ISM1: variants seen among roughly 807,000 people sequenced by gnomAD.
ISM1 encodes isthmin-1.
A neutral mutation model predicts 46.3 loss-of-function variants in ISM1; 25 were observed. That is an observed-to-expected ratio of 0.54 (90% CI 0.39 to 0.75). ISM1 has a LOEUF of 0.75. ISM1 is among the 30% of genes least tolerant of loss of function. The probability of loss-of-function intolerance (pLI) is 0.00; values close to 1 mark genes in which losing one functional copy is unlikely to be tolerated. For missense variants in ISM1, 536 were observed against 625.4 expected (o/e 0.86, Z 1.52); for synonymous variants, 255 against 256.7 (o/e 0.99, Z 0.06).
intron 2 of ISM1, among the ~76,000 whole-genome samples, chr20:13,274,473 C>A (rs1451463225): frequency 6.6e-6 from 1 of 152,154 alleles, no homozygotes; most frequent in Non-Finnish European, 1.5e-5. Context: ...TGCCTTTGCC[C>A]CCATCTGGTT....
chr20:13,227,330 A>G (rs1411821310), intron 1 of ISM1, among the ~76,000 whole-genome samples: 15 of 145,110 alleles, frequency 1.0e-4, no homozygotes, highest in Admixed American at 3.4e-4. Context: ...CAGCCTCCCG[A>G]GTAGCTGGGA....
At chr20:13,292,874 A>C (rs1399515956) in intron 5 of ISM1, among the ~76,000 whole-genome samples, 1 of 151,754 alleles carries the variant, frequency 6.6e-6, no homozygotes, top group Non-Finnish European at 1.5e-5. Flanking sequence ...TTTTCTCAAA[A>C]TATTGCACCT....
chr20:13,266,973 G>T (rs1223608821), intron 1 of ISM1, among the ~76,000 whole-genome samples: 1 of 152,142 alleles, frequency 6.6e-6, no homozygotes, highest in Non-Finnish European at 1.5e-5. Context: ...ATAAAGAAAG[G>T]TTTTCTTCTG....
intron 3 of ISM1, among the ~76,000 whole-genome samples, chr20:13,286,639 C>T (rs576886121): frequency 2.0e-5 from 3 of 152,174 alleles, no homozygotes; most frequent in Non-Finnish European, 2.9e-5. Context: ...GAGGAGGACA[C>T]AACCATGAAA....
At chr20:13,279,526 C>T (rs1041112842) in intron 2 of ISM1, 108 bp from the exon 3 acceptor site, 9 of 1,092,156 alleles carry the variant, frequency 8.2e-6, no homozygotes, top group South Asian at 7.8e-5. Flanking sequence ...TCCTTCACAA[C>T]GGATGCATCC....
At chr20:13,277,230 T>G (rs1462567316) in intron 2 of ISM1, among the ~76,000 whole-genome samples, 1 of 152,166 alleles carries the variant, frequency 6.6e-6, no homozygotes, top group African/African-American at 2.4e-5. Context: ...CACGTTTTGT[T>G]TAAGCAATCC....
intron 2 of ISM1, among the ~76,000 whole-genome samples, chr20:13,278,246 C>T (rs191180546): frequency 5.3e-5 from 8 of 152,284 alleles, no homozygotes; most frequent in Non-Finnish European, 7.4e-5. Flanking sequence ...CTTCCAGCCC[C>T]GTGACAGACT....
In ISM1 at chr20:13,299,689, G is replaced by A. The variant is rs1200043342; in HGVS notation, c.*230G>A. ...CTCCTTGAAAGTGCCCCTGGGGAGC[G>A]ATGTGGGCAGAAGGATGGGGACAAC... On this transcript the variant is annotated 3_prime_UTR_variant, in exon 6 of 6. Transcript: ENST00000262487. The surrounding 1 kb of genome is among the most constrained non-coding windows in gnomAD (Gnocchi z 5.8). 2 of 462,482 alleles carry A rather than the reference G, an allele frequency of 4.3e-6. No homozygotes were observed. The highest frequency in any genetic ancestry group is 6.5e-5 in the East Asian group (2 of 30,784). The allele number at this position is 462,482 out of a possible 1,614,324, so 28.6% of individuals were successfully genotyped here. A position where few individuals can be genotyped will look rare whatever the true frequency, so the allele number is the denominator to read the frequency against.
intron 1 of ISM1, among the ~76,000 whole-genome samples, chr20:13,232,757 A>G: frequency 6.6e-6 from 1 of 152,194 alleles, no homozygotes; most frequent in East Asian, 1.9e-4. Context: ...CAATCCAGGT[A>G]CTCCCTTGGA....
At chr20:13,236,495 T>C (rs982869233) in intron 1 of ISM1, among the ~76,000 whole-genome samples, 1 of 152,058 alleles carries the variant, frequency 6.6e-6, no homozygotes, top group Non-Finnish European at 1.5e-5. Flanking sequence ...AAATTTCATG[T>C]CCTAACATTT....
At chr20:13,306,397 T>C in the ISM1 span, among the ~76,000 whole-genome samples, 1 of 152,036 alleles carries the variant, frequency 6.6e-6, no homozygotes, top group Non-Finnish European at 1.5e-5. Context: ...TTAGCAAATT[T>C]TAACAAGCAC....
chr20:13,280,400 C>G lies in ISM1; in HGVS notation c.643+502C>G, dbSNP rs886102304. ...TCAGGTCTTCAAAGTAACCCCCCCC[C>G]CCCAATACATTTCAAAACTCCAAGT... On this transcript the variant is annotated intron_variant, in intron 3 of 5. Transcript: ENST00000262487. Among the ~76,000 whole-genome samples the G allele has an allele frequency of 3.2e-3, 472 of 147,844 alleles. 6 individuals carry two copies. Among genetic ancestry groups the G allele is most frequent in the African/African-American group, 0.01 (419 of 40,914 alleles).
intron 1 of ISM1, among the ~76,000 whole-genome samples, chr20:13,269,449 C>A (rs1002553590): frequency 1.3e-5 from 2 of 152,208 alleles, no homozygotes; most frequent in Admixed American, 1.3e-4. Flanking sequence ...AATGCCTTTT[C>A]GTGACTTTTT....
chr20:13,272,060 T>G (rs1490861896), intron 2 of ISM1, among the ~76,000 whole-genome samples: 1 of 152,238 alleles, frequency 6.6e-6, no homozygotes, highest in Non-Finnish European at 1.5e-5. Flanking sequence ...ATTACAAGTA[T>G]GAGCCACCAC....
intron 3 of ISM1, among the ~76,000 whole-genome samples, chr20:13,284,098 C>T (rs2040266371): frequency 6.6e-6 from 1 of 152,222 alleles, no homozygotes; most frequent in South Asian, 2.1e-4. Flanking sequence ...GAGGATGTTT[C>T]CACCTACCTC....
Position 13,224,707 on chromosome 20 carries a change from T to A in ISM1, c.138+2793T>A, listed in dbSNP as rs996363643. 7.9e-5 allele frequency among the ~76,000 whole-genome samples: 12 copies of A among 152,294 alleles called. No homozygotes were observed. The South Asian group carries it at 1.5e-3, about 18-fold the overall frequency. On this transcript the variant is annotated intron_variant, in intron 1 of 5. Coordinates refer to ENST00000262487, the MANE Select transcript of ISM1 (RefSeq NM_080826.2). ...TTGTATTCACTTAAAAAGGGACACA[T>A]TCTTATTTAAGGATATATCAAGGAC...
intron 2 of ISM1, among the ~76,000 whole-genome samples, chr20:13,276,201 T>G (rs1600540125): frequency 6.6e-6 from 1 of 152,280 alleles, no homozygotes; most frequent in Non-Finnish European, 1.5e-5. Flanking sequence ...ACCTGCCCAC[T>G]CCCACCAGTT....
chr20:13,320,552 A>G, the ISM1 span, among the ~76,000 whole-genome samples: 2 of 152,236 alleles, frequency 1.3e-5, no homozygotes, highest in African/African-American at 4.8e-5. Flanking sequence ...GGAGGATGCT[A>G]TGTCAATTAG....
At chr20:13,284,365 T>C (rs2040268986) in intron 3 of ISM1, among the ~76,000 whole-genome samples, 1 of 152,186 alleles carries the variant, frequency 6.6e-6, no homozygotes, top group African/African-American at 2.4e-5. Context: ...GCACTCGGGA[T>C]AGTTTTATTT....
Sources: allele counts gnomAD v4.1 joint callset (sites outside exome capture counted in the v4.1 genomes callset), GRCh38; gene constraint gnomAD v4.1.1; non-coding constraint Gnocchi (gnomAD v3.1); transcripts MANE v1.5; gene names NCBI Gene and HGNC (gene_info 2026-07-23, HGNC 2026-07-21).